SLC30A8: variants seen among roughly 807,000 people sequenced by gnomAD.
SLC30A8 encodes the protein proton-coupled zinc antiporter SLC30A8.
In SLC30A8, 27 loss-of-function variants were observed where a neutral mutation model predicts 36.9. The ratio of observed to expected loss-of-function variants is 0.73; its 90% CI spans 0.54 to 1.01. The LOEUF (loss-of-function observed/expected upper bound fraction) is 1.01. Among genes scored for constraint, SLC30A8 ranks in the 50% least tolerant of loss-of-function variants. The probability of loss-of-function intolerance (pLI) is 0.00; values close to 1 mark genes in which losing one functional copy is unlikely to be tolerated. For synonymous variants in SLC30A8, 164 were observed against 172.4 expected (o/e 0.95, Z 0.38); for missense variants, 439 against 452.0 (o/e 0.97, Z 0.26).
At chr8:117,000,198 A>C (rs1260446673) in intron 1 of SLC30A8, among the ~76,000 whole-genome samples, 1 of 152,238 alleles carries the variant, frequency 6.6e-6, no homozygotes, top group Admixed American at 6.5e-5. Flanking sequence ...TCTTGAAATC[A>C]GAACAGGCCT....
intron 2 of SLC30A8, among the ~76,000 whole-genome samples, chr8:117,043,589 G>A (rs943898215): frequency 6.6e-6 from 1 of 152,160 alleles, no homozygotes; most frequent in Non-Finnish European, 1.5e-5. Context: ...TAAAACAGGG[G>A]TATTTTAACT....
chr8:117,039,446 C>T (rs1362703527), intron 2 of SLC30A8, among the ~76,000 whole-genome samples: 1 of 152,204 alleles, frequency 6.6e-6, no homozygotes, highest in African/African-American at 2.4e-5. Context: ...TATTTCTACT[C>T]AGCTCTGGTG....
intron 2 of SLC30A8, among the ~76,000 whole-genome samples, chr8:117,061,816 G>C (rs1306662485): frequency 6.6e-6 from 1 of 152,164 alleles, no homozygotes; most frequent in Non-Finnish European, 1.5e-5. Flanking sequence ...AGTCATCTTA[G>C]CAGGGCTGAG....
chr8:116,958,022 A>G (rs933121531), intron 1 of SLC30A8, among the ~76,000 whole-genome samples: 33 of 152,134 alleles, frequency 2.2e-4, no homozygotes, highest in Admixed American at 1.7e-3. Context: ...GACTGTGCCT[A>G]TCTCCTTTGA....
chr8:117,118,758 G>A lies in SLC30A8; in HGVS notation c.-225-16522G>A, dbSNP rs553055303. Reference sequence around the variant, plus strand: ...TCTAAGCATACCTCCTCACTTGAAAGATATCATTATTATCTTTTGATGTGT... The same window carrying A: ...TCTAAGCATACCTCCTCACTTGAAAAATATCATTATTATCTTTTGATGTGT... On this transcript the variant is annotated intron_variant, in intron 2 of 10. Transcript: ENST00000427715. Among the ~76,000 whole-genome samples, 3 of 151,960 alleles carry A rather than the reference G, an allele frequency of 2.0e-5. No homozygotes were observed. In the South Asian group the frequency reaches 6.2e-4, roughly 32 times the overall value.
chr8:117,161,209 TAAG>T (rs1822775692), intron 4 of SLC30A8, among the ~76,000 whole-genome samples: 1 of 152,226 alleles, frequency 6.6e-6, no homozygotes. Context: ...CATTGGACAG[TAAG>T]AAATCATTCA....
intron 1 of SLC30A8, among the ~76,000 whole-genome samples, chr8:117,012,817 A>T (rs934254707): frequency 2.0e-5 from 3 of 151,170 alleles, no homozygotes; most frequent in African/African-American, 7.3e-5. Flanking sequence ...TATTTCTTAT[A>T]ATCTTATAAT....
chr8:117,141,717 C>T (rs1821662500), intron 1 of SLC30A8, among the ~76,000 whole-genome samples: 1 of 152,074 alleles, frequency 6.6e-6, no homozygotes, highest in African/African-American at 2.4e-5. Context: ...AAACTTTCCC[C>T]TAAAATCAGG....
chr8:117,064,389 G>A (rs1818107840), intron 2 of SLC30A8, among the ~76,000 whole-genome samples: 1 of 152,234 alleles, frequency 6.6e-6, no homozygotes, highest in Admixed American at 6.5e-5. Flanking sequence ...TCAGGGACAT[G>A]TGGGAAGTAG....
chr8:116,975,021 C>T (rs1586348235), intron 1 of SLC30A8, among the ~76,000 whole-genome samples: 1 of 117,084 alleles, frequency 8.5e-6, no homozygotes, highest in African/African-American at 3.4e-5. Context: ...ACATCACACA[C>T]TGGGGCCTGT....
At chr8:117,127,190 A>C (rs1292339748) in intron 2 of SLC30A8, among the ~76,000 whole-genome samples, 1 of 151,388 alleles carries the variant, frequency 6.6e-6, no homozygotes, top group Non-Finnish European at 1.5e-5. Flanking sequence ...ACGCGTTCCA[A>C]ATTATTTTTG....
At chr8:116,993,952 T>C (rs1187740691) in intron 1 of SLC30A8, among the ~76,000 whole-genome samples, 2 of 151,828 alleles carry the variant, frequency 1.3e-5, no homozygotes, top group Non-Finnish European at 2.9e-5. Context: ...TTGATATAAC[T>C]GATAGAAGAA....
chr8:117,021,914 A>T (rs1816706674), intron 1 of SLC30A8, among the ~76,000 whole-genome samples: 1 of 152,128 alleles, frequency 6.6e-6, no homozygotes, highest in South Asian at 2.1e-4. Context: ...GGGAAACATG[A>T]CCTTTTTAAA....
intron 1 of SLC30A8, among the ~76,000 whole-genome samples, chr8:116,979,722 G>T (rs1359282411): frequency 6.6e-6 from 1 of 152,154 alleles, no homozygotes; most frequent in Non-Finnish European, 1.5e-5. Context: ...CCCGGGAGAG[G>T]TGAGCTTCCC....
At chr8:117,145,780 C>T (rs1821868448) in intron 1 of SLC30A8, among the ~76,000 whole-genome samples, 1 of 152,114 alleles carries the variant, frequency 6.6e-6, no homozygotes, top group Admixed American at 6.6e-5. Flanking sequence ...GGATATTTGA[C>T]CTCAGGCAAT....
chr8:117,133,873 C>A (rs1237868411), upstream of SLC30A8, among the ~76,000 whole-genome samples: 1 of 151,876 alleles, frequency 6.6e-6, no homozygotes. Context: ...GGAAAAGGCT[C>A]CCCCAGAGCC....
At chr8:117,052,881 T>C (rs747580513) in intron 2 of SLC30A8, among the ~76,000 whole-genome samples, 10 of 152,102 alleles carry the variant, frequency 6.6e-5, no homozygotes, top group Non-Finnish European at 1.3e-4. Flanking sequence ...TTCAGGGTAA[T>C]GTAAGTATGT....
intron 2 of SLC30A8, among the ~76,000 whole-genome samples, chr8:117,150,197 A>G (rs939248840): frequency 6.6e-6 from 1 of 152,246 alleles, no homozygotes; most frequent in African/African-American, 2.4e-5. Flanking sequence ...GGTATAGTAT[A>G]ATAGTATTCA....
At chr8:117,127,816 T>A (rs967861014) in intron 2 of SLC30A8, among the ~76,000 whole-genome samples, 3 of 152,056 alleles carry the variant, frequency 2.0e-5, no homozygotes, top group Non-Finnish European at 4.4e-5. Flanking sequence ...CTTTTTTCCT[T>A]CCTCCGTCTT....
Sources: allele counts gnomAD v4.1 joint callset (sites outside exome capture counted in the v4.1 genomes callset), GRCh38; gene constraint gnomAD v4.1.1; transcripts MANE v1.5; gene names NCBI Gene and HGNC (gene_info 2026-07-23, HGNC 2026-07-21).